OSBPL11: variants seen among roughly 807,000 people sequenced by gnomAD.
The protein encoded by OSBPL11 is oxysterol binding protein like 11.
OSBPL11 carries 33 observed loss-of-function variants against 84.4 expected under a neutral mutation model. That is an observed-to-expected ratio of 0.39 (90% confidence interval 0.30 to 0.52). The LOEUF (loss-of-function observed/expected upper bound fraction) is 0.52. OSBPL11 is among the 20% of genes least tolerant of loss of function. The pLI, the probability that OSBPL11 is intolerant of heterozygous loss-of-function variation, is 0.72. For synonymous variants in OSBPL11, 276 were observed against 310.2 expected (o/e 0.89, Z 1.16); for missense variants, 736 against 901.1 (o/e 0.82, Z 2.35).
chr3:125,557,268 A>G (rs1936004963), intron 8 of OSBPL11, among the ~76,000 whole-genome samples: 1 of 152,252 alleles, frequency 6.6e-6, no homozygotes, highest in Non-Finnish European at 1.5e-5. Flanking sequence ...CCCAAGACCT[A>G]GCACAGTGTC....
intron 9 of OSBPL11, among the ~76,000 whole-genome samples, chr3:125,547,972 G>C (rs558811033): frequency 6.6e-6 from 1 of 152,102 alleles, no homozygotes; most frequent in Non-Finnish European, 1.5e-5. Flanking sequence ...CCGACTCCTG[G>C]GTCGAATGAT....
chr3:125,559,573 G>T (rs1007568431), intron 8 of OSBPL11, among the ~76,000 whole-genome samples: 3 of 152,048 alleles, frequency 2.0e-5, no homozygotes, highest in Non-Finnish European at 4.4e-5. Flanking sequence ...GTAGAGACGG[G>T]GTTTCACCAC....
In OSBPL11 at chr3:125,552,330, A is replaced by T. The variant is rs1935924176; in HGVS notation, c.1505T>A (p.Val502Asp). 6.2e-7 allele frequency: 1 copy of T among 1,613,966 alleles called. No homozygotes were observed. Among genetic ancestry groups the T allele is most frequent in the Admixed American group, 1.7e-5 (1 of 59,984 alleles). Residue 502 changes from valine (V) to aspartate (D), a missense_variant, in exon 9 of 13, where the codon GTC becomes GAC. Val to Asp is a radical substitution (Grantham distance 152). Transcript: ENST00000296220. The stretch of plus-strand genomic sequence containing the variant: ...AGAAACCTGCTCAGCAACAAATCTG[A>T]CTGTGTAACAGTCTGATCCCACCTG... ...LTQVGSDCYT[V>D]RFVAEQVSHH...
chr3:125,569,816 C>T lies in OSBPL11; in HGVS notation c.667-2221G>A, dbSNP rs574200381. Among the ~76,000 whole-genome samples, 12 of 152,238 alleles carry T rather than the reference C, an allele frequency of 7.9e-5. No individual in the cohort carries two copies. In the East Asian group the frequency reaches 2.1e-3, roughly 27 times the overall value. On this transcript the variant is annotated intron_variant, in intron 5 of 12. Coordinates refer to ENST00000296220, the MANE Select transcript of OSBPL11 (RefSeq NM_022776.5). ...ACAGTGAACTGAAAAGCAGCCATAC[C>T]CGAAGGAGTACATACTATATGATTC...
At chr3:125,573,918 C>T (rs1936278383) in intron 5 of OSBPL11, among the ~76,000 whole-genome samples, 1 of 140,118 alleles carries the variant, frequency 7.1e-6, no homozygotes, top group African/African-American at 2.6e-5. Context: ...CTTTTACAAA[C>T]TGCTACCTAA....
intron 6 of OSBPL11, among the ~76,000 whole-genome samples, chr3:125,566,309 A>G (rs1936156482): frequency 6.6e-6 from 1 of 152,024 alleles, no homozygotes; most frequent in Non-Finnish European, 1.5e-5. Flanking sequence ...CCTGGCCCCT[A>G]CACATTATTT....
At chr3:125,567,362 T>C (rs1393960028) in intron 6 of OSBPL11, 32 bp downstream of exon 6, 2 of 1,546,776 alleles carry the variant, frequency 1.3e-6, no homozygotes, top group East Asian at 2.2e-5. Flanking sequence ...TTGGCCTTCA[T>C]TGTGAAGCCC....
At chr3:125,556,894 T>C (rs1473678863) in intron 8 of OSBPL11, among the ~76,000 whole-genome samples, 1 of 152,238 alleles carries the variant, frequency 6.6e-6, no homozygotes, top group African/African-American at 2.4e-5. Context: ...GTTCAGGCAG[T>C]GTTCTACAAC....
At chr3:125,590,778 A>G (rs1291201441) in intron 1 of OSBPL11, among the ~76,000 whole-genome samples, 1 of 152,164 alleles carries the variant, frequency 6.6e-6, no homozygotes, top group Non-Finnish European at 1.5e-5. Context: ...ACATGAGTAA[A>G]CCATAAAACC....
intron 10 of OSBPL11, among the ~76,000 whole-genome samples, chr3:125,545,470 G>A (rs988713295): frequency 2.5e-4 from 38 of 152,244 alleles, no homozygotes; most frequent in South Asian, 4.1e-4. Context: ...TTACATATGA[G>A]TTTTTCCTAA....
At position 125,567,543 on chromosome 3, in the gene OSBPL11, C is replaced by A; in HGVS notation, c.719G>T (p.Cys240Phe). 6.2e-7 allele frequency: 1 copy of A among 1,614,164 alleles called. No individual in the cohort carries two copies. The highest frequency in any genetic ancestry group is 2.2e-5 in the East Asian group (1 of 44,884). Reference sequence around the variant, plus strand: ...ACTAAGATGGCCAGAAGTAGGAAGGCATTCAATTCGTCTAATTAAGTCTCT... The same window carrying A: ...ACTAAGATGGCCAGAAGTAGGAAGGAATTCAATTCGTCTAATTAAGTCTCT... ...QQRDLIRRIECLPTSGHLSSL... is the reference protein window; with the variant it reads ...QQRDLIRRIEFLPTSGHLSSL... Residue 240 changes from cysteine (C) to phenylalanine (F), a missense_variant, in exon 6 of 13, where the codon TGC becomes TTC. By Grantham distance (205) the Cys-to-Phe change is radical (BLOSUM62 -2). Coordinates refer to ENST00000296220, the MANE Select transcript of OSBPL11 (RefSeq NM_022776.5).
chr3:125,572,318 C>A (rs978054764), intron 5 of OSBPL11, among the ~76,000 whole-genome samples: 1 of 152,178 alleles, frequency 6.6e-6, no homozygotes, highest in African/African-American at 2.4e-5. Flanking sequence ...TGCCTTGTCT[C>A]AGATGAGACT....
intron 8 of OSBPL11, among the ~76,000 whole-genome samples, chr3:125,554,809 CAA>C (rs948006798): frequency 1.3e-5 from 2 of 151,134 alleles, no homozygotes; most frequent in African/African-American, 4.9e-5. Flanking sequence ...AGAAGACAGA[CAA>C]AGAGAGAAAA....
At chr3:125,578,271 A>C (rs1936362011) in intron 4 of OSBPL11, among the ~76,000 whole-genome samples, 1 of 152,210 alleles carries the variant, frequency 6.6e-6, no homozygotes, top group Non-Finnish European at 1.5e-5. Context: ...AAGACACCAG[A>C]TACAACAAAC....
chr3:125,588,637 G>A (rs1936550693), intron 1 of OSBPL11, among the ~76,000 whole-genome samples: 1 of 152,166 alleles, frequency 6.6e-6, no homozygotes, highest in Non-Finnish European at 1.5e-5. Context: ...CCTCCCAAAA[G>A]GCTTAGCACT....
chr3:125,530,652 C>G, intron 12 of OSBPL11, 72 bp from the exon 13 acceptor site: 1 of 1,164,970 alleles, frequency 8.6e-7, no homozygotes, highest in Non-Finnish European at 1.3e-6. Flanking sequence ...CTAGAAGCAA[C>G]ACCTTCACTG....
At chr3:125,584,418 C>G (rs1007041905) in intron 1 of OSBPL11, among the ~76,000 whole-genome samples, 7 of 152,094 alleles carry the variant, frequency 4.6e-5, no homozygotes, top group African/African-American at 7.2e-5. Flanking sequence ...TCCATTCTGT[C>G]CAGTTGCTCC....
At chr3:125,556,970 C>T (rs187848670) in intron 8 of OSBPL11, among the ~76,000 whole-genome samples, 34 of 152,164 alleles carry the variant, frequency 2.2e-4, no homozygotes, top group Non-Finnish European at 1.3e-4. Flanking sequence ...TATATGTATA[C>T]CATTCAGTCT....
At chr3:125,590,280 T>C (rs1358548184) in intron 1 of OSBPL11, among the ~76,000 whole-genome samples, 2 of 152,246 alleles carry the variant, frequency 1.3e-5, no homozygotes, top group Non-Finnish European at 2.9e-5. Flanking sequence ...CCAGGCACGG[T>C]GGCTCACGCC....
Sources: allele counts gnomAD v4.1 joint callset (sites outside exome capture counted in the v4.1 genomes callset), GRCh38; gene constraint gnomAD v4.1.1; transcripts MANE v1.5; gene names NCBI Gene and HGNC (gene_info 2026-07-23, HGNC 2026-07-21).